PALM2AKAP2: variants seen among roughly 807,000 people sequenced by gnomAD.
PALM2AKAP2 encodes PALM2 and AKAP2 fusion, also known as PALM2-AKAP2 fusion protein.
In PALM2AKAP2, 37 loss-of-function variants were observed where a neutral mutation model predicts 71.5. The observed-to-expected ratio is 0.52, with a 90% CI of 0.40 to 0.68. The LOEUF (loss-of-function observed/expected upper bound fraction) is 0.68, where lower values mean the gene tolerates loss of function less well. Ranked by LOEUF, PALM2AKAP2 falls within the 30% of genes least tolerant of loss-of-function variation. PALM2AKAP2 has a pLI of 0.00. For missense variants in PALM2AKAP2, 1,224 were observed against 1,191.8 expected (o/e 1.03, Z -0.40); for synonymous variants, 468 against 478.8 (o/e 0.98, Z 0.29).
intron 3 of PALM2AKAP2, among the ~76,000 whole-genome samples, chr9:109,911,581 A>T (rs1376671518): frequency 2.0e-5 from 3 of 152,230 alleles, no homozygotes; most frequent in Non-Finnish European, 4.4e-5. Context: ...AAATCAGTCC[A>T]ATATTGTTCT....
chr9:109,978,214 G>C (rs1386853918), intron 6 of PALM2AKAP2, among the ~76,000 whole-genome samples: 1 of 152,138 alleles, frequency 6.6e-6, no homozygotes, highest in Non-Finnish European at 1.5e-5. Context: ...AGCCTTCCTG[G>C]AACTCACAGT....
At chr9:109,909,410 A>G (rs990763327) in intron 3 of PALM2AKAP2, among the ~76,000 whole-genome samples, 6 of 152,250 alleles carry the variant, frequency 3.9e-5, no homozygotes, top group Non-Finnish European at 8.8e-5. Flanking sequence ...GGCTACTTCC[A>G]GTTGAGAAAC....
At chr9:109,984,990 C>T (rs1019799663) in intron 6 of PALM2AKAP2, among the ~76,000 whole-genome samples, 2 of 152,164 alleles carry the variant, frequency 1.3e-5, no homozygotes, top group Non-Finnish European at 2.9e-5. Flanking sequence ...GCCTGGCCAA[C>T]ATGGTGAAAC....
intron 7 of PALM2AKAP2, among the ~76,000 whole-genome samples, chr9:110,036,144 C>T (rs922398741): frequency 6.6e-6 from 1 of 152,112 alleles, no homozygotes; most frequent in East Asian, 1.9e-4. Flanking sequence ...ACCGTGTTAG[C>T]TAGGATGGTC....
chr9:109,952,051 A>G lies in PALM2AKAP2; in HGVS notation c.496+20023A>G, dbSNP rs531854211. Among the ~76,000 whole-genome samples, 18 of 152,326 alleles carry G rather than the reference A, an allele frequency of 1.2e-4. No individual in the cohort carries two copies. In the South Asian group the frequency reaches 3.7e-3, roughly 32 times the overall value. On this transcript the variant is annotated intron_variant, in intron 6 of 9. Coordinates refer to the PALM2AKAP2 transcript ENST00000302798. Reference sequence around the variant, plus strand: ...CTCTTGTTCACCTCTCTTTACCTGGAACAGGGTCAGCATAGTTTTTCAATA... The same window carrying G: ...CTCTTGTTCACCTCTCTTTACCTGGGACAGGGTCAGCATAGTTTTTCAATA...
Position 109,991,298 on chromosome 9 carries a change from G to A in PALM2AKAP2, c.497-24656G>A, listed in dbSNP as rs150923941. 7.3e-5 allele frequency among the ~76,000 whole-genome samples: 11 copies of A among 151,546 alleles called. No homozygotes were observed. The East Asian group carries it at 1.4e-3, about 19-fold the overall frequency. ...GTCACTCAGGCTGGAGTGTGGTGGC[G>A]TGATCACGGCTCACTGCAGCCTCAA... is the stretch of plus-strand genomic sequence containing the variant. On this transcript the variant is annotated intron_variant, in intron 6 of 9. Coordinates refer to the PALM2AKAP2 transcript ENST00000302798.
In PALM2AKAP2 at chr9:110,006,284, C is replaced by T. The variant is rs539023529; in HGVS notation, c.497-9670C>T. Among the ~76,000 whole-genome samples, 9 of 149,860 alleles carry T rather than the reference C, an allele frequency of 6.0e-5. No individual in the cohort carries two copies. The South Asian group carries it at 1.9e-3, about 32-fold the overall frequency. On this transcript the variant is annotated intron_variant, in intron 6 of 9. Coordinates refer to the PALM2AKAP2 transcript ENST00000302798. ...TCCTTCCATTTTCTCTCTCTCTCTT[C>T]CTTTCTTTCTTTCCTTTCCCTCCCT...
intron 1 of PALM2AKAP2, among the ~76,000 whole-genome samples, chr9:109,656,453 G>T (rs141011611): frequency 1.3e-5 from 2 of 152,212 alleles, no homozygotes; most frequent in East Asian, 1.9e-4. Flanking sequence ...ACATTACTAG[G>T]TCCCTTCCAG....
At chr9:110,149,316 G>T (rs191957351) in intron 2 of PALM2AKAP2, among the ~76,000 whole-genome samples, 10 of 152,296 alleles carry the variant, frequency 6.6e-5, no homozygotes, top group Non-Finnish European at 1.2e-4. Context: ...TTCCTTCTGA[G>T]CTCCTCTGGG....
chr9:109,747,647 T>A (rs1203697574), intron 1 of PALM2AKAP2, among the ~76,000 whole-genome samples: 1 of 152,162 alleles, frequency 6.6e-6, no homozygotes, highest in East Asian at 1.9e-4. Context: ...TCTTCTCATT[T>A]CTAAAATACT....
chr9:109,691,867 TACACACACAC>T (rs368555887), intron 1 of PALM2AKAP2, among the ~76,000 whole-genome samples: 63 of 51,432 alleles, frequency 1.2e-3, no homozygotes, highest in African/African-American at 1.9e-3. Context: ...TATATATATA[TACACACACAC>T]ACACATATAT....
chr9:109,652,300 T>A (rs540984040), intron 1 of PALM2AKAP2, among the ~76,000 whole-genome samples: 8 of 152,256 alleles, frequency 5.3e-5, no homozygotes, highest in African/African-American at 1.9e-4. Context: ...GGTGGATCCC[T>A]CATGAATGGC....
chr9:110,073,412 A>G (rs937522141), intron 1 of PALM2AKAP2, among the ~76,000 whole-genome samples: 2 of 152,174 alleles, frequency 1.3e-5, no homozygotes, highest in African/African-American at 2.4e-5. Flanking sequence ...AACAGCTTTT[A>G]TAGGGTGTTT....
rs375569536 is a variant in PALM2AKAP2 at position 109,952,431 on chromosome 9, CTGGTTGGGTTCCAT to C, written c.496+20404_496+20417del. Among the ~76,000 whole-genome samples the C allele has an allele frequency of 3.7e-3, 562 of 152,298 alleles. 3 individuals carry two copies. The highest frequency in any genetic ancestry group is 0.013 in the African/African-American group (540 of 41,564). The stretch of plus-strand genomic sequence containing the variant: ...AAATGAATCAGTTGGGAGTTCTCAT[CTGGTTGGGTTCCAT>C]GGTAGATTTTTTAAATGTCTTTATG... On this transcript the variant is annotated intron_variant, in intron 6 of 9. Coordinates refer to the PALM2AKAP2 transcript ENST00000302798.
chr9:109,992,008 G>A (rs1811022071), intron 6 of PALM2AKAP2, among the ~76,000 whole-genome samples: 1 of 152,192 alleles, frequency 6.6e-6, no homozygotes, highest in African/African-American at 2.4e-5. Context: ...TCCTAGGACT[G>A]CCATAGCAAA....
At chr9:109,848,005 AC>A (rs1408906649) in intron 1 of PALM2AKAP2, among the ~76,000 whole-genome samples, 6 of 152,032 alleles carry the variant, frequency 3.9e-5, no homozygotes, top group Admixed American at 1.3e-4. Context: ...TCTTTCCCCC[AC>A]CCATTGGCTT....
chr9:109,782,703 A>G (rs1826842679), intron 1 of PALM2AKAP2, among the ~76,000 whole-genome samples: 1 of 151,552 alleles, frequency 6.6e-6, no homozygotes, highest in African/African-American at 2.4e-5. Context: ...GGATGACTGT[A>G]TGATGTTGTC....
chr9:110,111,923 C>T (rs1835263254), intron 1 of PALM2AKAP2, among the ~76,000 whole-genome samples: 1 of 152,076 alleles, frequency 6.6e-6, no homozygotes, highest in Non-Finnish European at 1.5e-5. Context: ...CCTGTCATTT[C>T]CTGTTTTCAG....
intron 1 of PALM2AKAP2, among the ~76,000 whole-genome samples, chr9:109,749,528 G>A (rs1287326856): frequency 3.5e-5 from 5 of 143,346 alleles, no homozygotes; most frequent in African/African-American, 1.3e-4. Flanking sequence ...GCCCTAGTAA[G>A]TGCAAATGTG....
Sources: gnomAD v4.1 joint callset for allele counts (sites outside exome capture counted in the v4.1 genomes callset) on GRCh38, gnomAD v4.1.1 for gene constraint, MANE v1.5 for transcripts, NCBI Gene and HGNC (gene_info 2026-07-23, HGNC 2026-07-21) for gene names.